The following ARID4B variants were observed in gnomAD, a reference collection of about 807,000 sequenced individuals.
ARID4B encodes AT-rich interaction domain 4B.
Under a neutral mutation model 147.5 loss-of-function variants are expected in ARID4B, and 26 were observed. That is an observed-to-expected ratio of 0.18 (90% CI 0.13 to 0.24). The LOEUF (loss-of-function observed/expected upper bound fraction) is 0.24. ARID4B is among the 10% of genes least tolerant of loss of function. The pLI, the probability that ARID4B is intolerant of heterozygous loss-of-function variation, is 1.00. For synonymous variants in ARID4B, 512 were observed against 507.9 expected (o/e 1.01, Z -0.11); for missense variants, 1,179 against 1,511.5 (o/e 0.78, Z 3.65).
At chr1:235,255,267 A>AGATCTATC (rs1553304359) in intron 5 of ARID4B, among the ~76,000 whole-genome samples, 3 of 137,152 alleles carry the variant, frequency 2.2e-5, no homozygotes, top group African/African-American at 8.1e-5. Context: ...AGATAGATAT[A>AGATCTATC]TATCTCTCTC....
intron 5 of ARID4B, among the ~76,000 whole-genome samples, chr1:235,254,315 T>C (rs1669817928): frequency 2.0e-5 from 3 of 152,078 alleles, no homozygotes; most frequent in African/African-American, 7.2e-5. Flanking sequence ...TACTTTCATC[T>C]CTGAGGTCAT....
intron 14 of ARID4B, 21 bp downstream of exon 14, chr1:235,221,544 A>G (rs369632988): frequency 1.5e-6 from 2 of 1,335,236 alleles, no homozygotes; most frequent in Non-Finnish European, 1.1e-6. Flanking sequence ...GAAGATAATC[A>G]TATCAATTAT....
At chr1:235,251,821 A>T (rs535832583) in intron 6 of ARID4B, among the ~76,000 whole-genome samples, 29 of 152,318 alleles carry the variant, frequency 1.9e-4, no homozygotes, top group Middle Eastern at 3.4e-3. Flanking sequence ...AACACCATTT[A>T]GAGCAACATC....
At chr1:235,295,029 A>G (rs1427114490) in intron 2 of ARID4B, among the ~76,000 whole-genome samples, 2 of 151,546 alleles carry the variant, frequency 1.3e-5, no homozygotes, top group African/African-American at 4.8e-5. Flanking sequence ...TAAAATTTAT[A>G]AAATTTTATT....
intron 2 of ARID4B, among the ~76,000 whole-genome samples, chr1:235,286,398 T>C (rs922361867): frequency 6.6e-6 from 1 of 152,244 alleles, no homozygotes; most frequent in African/African-American, 2.4e-5. Context: ...AGAGACTTGA[T>C]TTAAAACTCA....
intron 17 of ARID4B, among the ~76,000 whole-genome samples, chr1:235,201,620 G>A (rs1018851947): frequency 2.0e-5 from 3 of 152,150 alleles, no homozygotes; most frequent in Non-Finnish European, 2.9e-5. Context: ...CACCGCATCT[G>A]GCGGAATACA....
chr1:235,255,265 ATATATCTCTCTC>A (rs1158336110), intron 5 of ARID4B, among the ~76,000 whole-genome samples: 1 of 64,582 alleles, frequency 1.5e-5, no homozygotes, highest in African/African-American at 6.9e-5. Flanking sequence ...ATAGATAGAT[ATATATCTCTCTC>A]TCTCTCTCTC....
chr1:235,255,845 TGAA>T (rs2103105904), intron 4 of ARID4B, 95 bp from the exon 5 acceptor site: 2 of 779,000 alleles, frequency 2.6e-6, no homozygotes, highest in South Asian at 3.6e-5. Context: ...TGCATGATGG[TGAA>T]GAATAAAATG....
At chr1:235,251,611 AAT>A (rs1165999345) in intron 6 of ARID4B, among the ~76,000 whole-genome samples, 2 of 152,096 alleles carry the variant, frequency 1.3e-5, no homozygotes, top group African/African-American at 2.4e-5. Flanking sequence ...CACTATTCCA[AAT>A]AGTGTTTAAG....
intron 12 of ARID4B, among the ~76,000 whole-genome samples, chr1:235,223,684 C>CGTTTTTTTTTTTTTTTTTT (rs149769753): frequency 8.5e-6 from 1 of 117,144 alleles, no homozygotes; most frequent in Admixed American, 8.9e-5. Context: ...AGTAAAGCTA[C>CGTTTTTTTTTTTTTTTTTT]ATTTTTTTTT....
intron 2 of ARID4B, among the ~76,000 whole-genome samples, chr1:235,269,085 A>G (rs1022021689): frequency 3.3e-5 from 5 of 152,246 alleles, no homozygotes; most frequent in Non-Finnish European, 7.3e-5. Flanking sequence ...ATTCCACAGT[A>G]AATTAATTAT....
chr1:235,280,877 C>T (rs1409618477), intron 2 of ARID4B, among the ~76,000 whole-genome samples: 1 of 151,906 alleles, frequency 6.6e-6, no homozygotes, highest in Non-Finnish European at 1.5e-5. Flanking sequence ...GACCCGAGCA[C>T]GTTTTTTGAA....
intron 2 of ARID4B, among the ~76,000 whole-genome samples, chr1:235,310,625 T>C (rs1447581302): frequency 6.6e-6 from 1 of 152,230 alleles, no homozygotes; most frequent in South Asian, 2.1e-4. Context: ...TTTGAGCATA[T>C]GCTGGGGACA....
intron 7 of ARID4B, among the ~76,000 whole-genome samples, chr1:235,244,071 C>A (rs949830387): frequency 6.6e-6 from 1 of 152,100 alleles, no homozygotes; most frequent in Admixed American, 6.5e-5. Context: ...TTTTATGATA[C>A]ATGAATTATA....
chr1:235,228,647 GT>G (rs11306265), intron 11 of ARID4B: 40,500 of 122,672 alleles, frequency 0.33, 5,477 homozygotes, highest in South Asian at 0.49. Context: ...TTTTGTTCTC[GT>G]TTTTTTTTTT....
chr1:235,294,254 A>G (rs1379429136), intron 2 of ARID4B, among the ~76,000 whole-genome samples: 1 of 151,436 alleles, frequency 6.6e-6, no homozygotes, highest in Non-Finnish European at 1.5e-5. Context: ...CAGTAAAATA[A>G]TACCTCTTTC....
At chr1:235,321,881 A>G (rs960814522) in intron 2 of ARID4B, among the ~76,000 whole-genome samples, 1 of 151,238 alleles carries the variant, frequency 6.6e-6, no homozygotes, top group Non-Finnish European at 1.5e-5. Context: ...TTCATTTTCC[A>G]CTTGGACTTC....
In ARID4B at chr1:235,223,130, A is replaced by G. The variant is rs6702396; in HGVS notation, c.1065+36T>C. On this transcript the variant is annotated intron_variant, in intron 13 of 23. Transcript: ENST00000264183. Reference sequence around the variant, plus strand: ...GCAGATACCTGAGAAAACATGTTACATGAAAAAGATGTTTCAGTTTGACTA... The same window carrying G: ...GCAGATACCTGAGAAAACATGTTACGTGAAAAAGATGTTTCAGTTTGACTA... 2.3e-3 allele frequency: 3,068 copies of G among 1,363,062 alleles called. 65 individuals are homozygous for G. The African/African-American group carries it at 0.04, about 18-fold the overall frequency. 84.4% of individuals were successfully genotyped at this position (1,363,062 alleles called of 1,614,324 possible).
chr1:235,214,258 A>G (rs1177596173), intron 16 of ARID4B, among the ~76,000 whole-genome samples: 3 of 152,338 alleles, frequency 2.0e-5, no homozygotes, highest in African/African-American at 7.2e-5. Context: ...TAAGTGCAGT[A>G]AAAGAAAATT....
Sources: gnomAD v4.1 joint callset for allele counts (sites outside exome capture counted in the v4.1 genomes callset) on GRCh38, gnomAD v4.1.1 for gene constraint, MANE v1.5 for transcripts, NCBI Gene and HGNC (gene_info 2026-07-23, HGNC 2026-07-21) for gene names.